The following VWF variants were observed in gnomAD, a reference collection of about 807,000 sequenced individuals.
VWF encodes von Willebrand factor.
A neutral mutation model predicts 308.6 loss-of-function variants in VWF; 176 were observed. That is an observed-to-expected ratio of 0.57 (90% CI 0.50 to 0.65). The LOEUF is 0.65. Among genes scored for constraint, VWF ranks in the 30% least tolerant of loss-of-function variants. The probability of loss-of-function intolerance (pLI) is 0.00; values close to 1 mark genes in which losing one functional copy is unlikely to be tolerated. For missense variants in VWF, 3,146 were observed against 3,648.2 expected (o/e 0.86, Z 3.55); for synonymous variants, 1,385 against 1,443.4 (o/e 0.96, Z 0.92).
rs1010209076 is a variant in VWF at position 6,039,640 on chromosome 12, TAAGC to T, written c.2443-3153_2443-3150del. 7.9e-5 allele frequency among the ~76,000 whole-genome samples: 12 copies of T among 152,344 alleles called. No homozygotes were observed. In the East Asian group the frequency reaches 2.3e-3, roughly 29 times the overall value. On this transcript the variant is annotated intron_variant, in intron 18 of 51. Transcript: ENST00000261405. ...TGAATTTTTGCTTATTATATTTCAG[TAAGC>T]CCGACTGAGTGACAAATCATGGACC...
rs78851154 is a variant in VWF at position 6,032,656 on chromosome 12, T to G, written c.2686-1078A>C. ...CTGTCTCAAAAAAAAAAAGAAAAAA[T>G]AAAAACAAGGTGTGAATCTTGATTC... On this transcript the variant is annotated intron_variant, in intron 20 of 51. Transcript: ENST00000261405. 3.6e-3 allele frequency among the ~76,000 whole-genome samples: 537 copies of G among 150,038 alleles called. 4 individuals carry two copies. Among genetic ancestry groups the G allele is most frequent in the African/African-American group, 0.011 (432 of 40,898 alleles).
At chr12:6,099,487 T>C (rs1945138937) in intron 5 of VWF, among the ~76,000 whole-genome samples, 1 of 152,146 alleles carries the variant, frequency 6.6e-6, no homozygotes, top group Non-Finnish European at 1.5e-5. Flanking sequence ...TAACTCCATA[T>C]TGAAATATTA....
At chr12:6,092,515 TTGTCTGTGTG>T (rs1270344717) in intron 6 of VWF, among the ~76,000 whole-genome samples, 6 of 131,860 alleles carry the variant, frequency 4.6e-5, no homozygotes, top group Admixed American at 2.8e-4. Context: ...TAGTATGTGT[TTGTCTGTGTG>T]TGTGTGTGTG....
intron 9 of VWF, 38 bp downstream of exon 9, chr12:6,072,293 G>A (rs1944789964): frequency 1.3e-6 from 2 of 1,595,208 alleles, no homozygotes; most frequent in Admixed American, 1.7e-5. Context: ...CAGTCCCCCA[G>A]GCAGGTCTCC....
intron 47 of VWF, among the ~76,000 whole-genome samples, chr12:5,958,826 G>A (rs1330430095): frequency 6.6e-6 from 1 of 152,172 alleles, no homozygotes; most frequent in Admixed American, 6.5e-5. Context: ...TTGAATGAGT[G>A]AATAACTGAC....
intron 2 of VWF, among the ~76,000 whole-genome samples, chr12:6,122,345 T>G (rs1945441403): frequency 6.6e-6 from 1 of 152,186 alleles, no homozygotes; most frequent in South Asian, 2.1e-4. Flanking sequence ...TTTAAACAGA[T>G]CAGACTGTGT....
intron 38 of VWF, among the ~76,000 whole-genome samples, chr12:5,990,973 A>G (rs999741411): frequency 1.3e-5 from 2 of 151,114 alleles, no homozygotes; most frequent in South Asian, 2.1e-4. Flanking sequence ...GGGCCATTTC[A>G]TATAGTGGAA....
intron 6 of VWF, among the ~76,000 whole-genome samples, chr12:6,077,147 T>C (rs1655722996): frequency 6.6e-6 from 1 of 152,176 alleles, no homozygotes; most frequent in African/African-American, 2.4e-5. Flanking sequence ...CCATCTCTAC[T>C]GAAAATATAA....
In VWF at chr12:6,031,480, CAGGATGGT is replaced by C; in HGVS notation, c.2776_2783del (p.Thr926GlyfsTer7). 6.2e-7 allele frequency: 1 copy of C among 1,614,176 alleles called. No homozygotes were observed. ...ACAGCTCAATCTCTCCTCCCTCCACCAGGATGGTGACCCGTTTCTTGCATTTCACTGAG... is the reference window on the plus strand; with the variant it reads ...ACAGCTCAATCTCTCCTCCCTCCACCGACCCGTTTCTTGCATTTCACTGAG... On this transcript the variant is annotated frameshift_variant, in exon 21 of 52. Coordinates refer to ENST00000261405, the MANE Select transcript of VWF (RefSeq NM_000552.5). LOFTEE classifies it high-confidence loss of function.
intron 38 of VWF, among the ~76,000 whole-genome samples, chr12:5,986,319 G>C (rs1943680231): frequency 6.6e-6 from 1 of 152,182 alleles, no homozygotes; most frequent in Non-Finnish European, 1.5e-5. Flanking sequence ...TGCCTTGCAG[G>C]ACTGTTGTAA....
intron 3 of VWF, among the ~76,000 whole-genome samples, chr12:6,114,912 G>A (rs926936800): frequency 6.6e-6 from 1 of 152,198 alleles, no homozygotes; most frequent in African/African-American, 2.4e-5. Flanking sequence ...GCAGGAGTGG[G>A]GCTGCATCGT....
At position 5,991,896 on chromosome 12, in the gene VWF, T is replaced by C; in HGVS notation, c.6721A>G (p.Lys2241Glu). 6.2e-7 allele frequency: 1 copy of C among 1,614,194 alleles called. No homozygotes were observed. Among genetic ancestry groups the C allele is most frequent in the Non-Finnish European group, 8.5e-7 (1 of 1,180,038 alleles). ...PSEGCFCPPD[K>E]VMLEGSCVPE... ...ACACAGCTGCCTTCCAACATGACTTTATCTGGAGGGCAGAAACAGCCTTCG... is the reference window on the plus strand; with the variant it reads ...ACACAGCTGCCTTCCAACATGACTTCATCTGGAGGGCAGAAACAGCCTTCG... The change falls in exon 38 of 52, where the codon AAA becomes GAA. Residue 2241 changes from lysine to glutamate, a missense_variant. Physicochemically the swap from Lys to Glu is moderately conservative, Grantham distance 56 (BLOSUM62 1). Around this residue, in one of 3 missense-constraint regions of VWF, gnomAD observed 989 missense variants for 1,117.4 expected, o/e 0.89. Coordinates refer to ENST00000261405, the MANE Select transcript of VWF (RefSeq NM_000552.5).
At chr12:6,057,651 C>T (rs183748305) in intron 14 of VWF, among the ~76,000 whole-genome samples, 198 bp downstream of exon 14, 1,872 of 146,170 alleles carry the variant, frequency 0.013, 52 homozygotes, top group African/African-American at 0.043. Flanking sequence ...CTGTGGCGGG[C>T]GCCCAATAAA....
At chr12:6,053,427 C>A (rs956017979) in intron 15 of VWF, among the ~76,000 whole-genome samples, 20 of 152,138 alleles carry the variant, frequency 1.3e-4, no homozygotes, top group African/African-American at 4.8e-4. Context: ...ATGCTCATAA[C>A]CCTTACTCTC....
intron 42 of VWF, 139 bp from the exon 43 acceptor site, chr12:5,976,399 C>T: frequency 9.2e-7 from 1 of 1,092,614 alleles, no homozygotes; most frequent in East Asian, 2.6e-5. Context: ...CGCCCATATG[C>T]AGGGCTGCTT....
intron 50 of VWF, among the ~76,000 whole-genome samples, chr12:5,950,831 C>T (rs984777002): frequency 1.3e-5 from 2 of 152,180 alleles, no homozygotes; most frequent in East Asian, 1.9e-4. Context: ...TCAAATTCCA[C>T]GTGCAGTGTG....
chr12:6,029,528 G>A, intron 21 of VWF, 40 bp from the exon 22 acceptor site: 1 of 1,612,654 alleles, frequency 6.2e-7, no homozygotes. Context: ...AGGATGAAGG[G>A]CAGGCTCGAC....
intron 34 of VWF, among the ~76,000 whole-genome samples, chr12:6,000,312 T>G (rs186563873): frequency 4.6e-5 from 7 of 152,276 alleles, no homozygotes; most frequent in Admixed American, 4.6e-4. Context: ...ACAAAAGAAT[T>G]ATATTGGTAT....
At chr12:6,066,861 T>C (rs887562980) in intron 10 of VWF, among the ~76,000 whole-genome samples, 1 of 152,240 alleles carries the variant, frequency 6.6e-6, no homozygotes, top group Non-Finnish European at 1.5e-5. Context: ...TGTGCAGTAC[T>C]GGACCCAGGT....
Sources: gnomAD v4.1 joint callset for allele counts (sites outside exome capture counted in the v4.1 genomes callset) on GRCh38, gnomAD v4.1.1 for gene constraint, gnomAD v4.1.1 regional missense constraint, MANE v1.5 for transcripts, NCBI Gene and HGNC (gene_info 2026-07-23, HGNC 2026-07-21) for gene names.